Variants in FANCL observed in about 807,000 individuals in gnomAD.
FANCL encodes E3 ubiquitin-protein ligase FANCL.
In FANCL, 69 loss-of-function variants were observed where a neutral mutation model predicts 59.4. That is an observed-to-expected ratio of 1.16 (90% CI 0.96 to 1.42). The LOEUF is 1.42. Among genes scored for constraint, FANCL ranks in the 40% most tolerant of loss-of-function variants. The pLI is 0.00. For synonymous variants in FANCL, 180 were observed against 147.1 expected (o/e 1.22, Z -1.62); for missense variants, 519 against 447.2 (o/e 1.16, Z -1.45).
intron 7 of FANCL, among the ~76,000 whole-genome samples, chr2:58,194,818 C>G (rs1273735860): frequency 6.6e-6 from 1 of 150,778 alleles, no homozygotes; most frequent in African/African-American, 2.4e-5. Context: ...CTCATCAGAG[C>G]AAAAGAAAAA....
intron 4 of FANCL, among the ~76,000 whole-genome samples, chr2:58,225,721 T>C (rs1029393726): frequency 1.3e-5 from 2 of 151,984 alleles, no homozygotes; most frequent in South Asian, 4.1e-4. Flanking sequence ...AAGTAGAATA[T>C]GTTAAAAGAT....
Position 58,232,038 on chromosome 2 carries a change from C to T in FANCL, c.155+16G>A, listed in dbSNP as rs751966007. The T allele has an allele frequency of 6.2e-7, 1 of 1,610,634 alleles. No homozygotes were observed. Among genetic ancestry groups the T allele is most frequent in the Non-Finnish European group, 8.5e-7 (1 of 1,177,120 alleles). The stretch of plus-strand genomic sequence containing the variant: ...AAAATGCAAAAATGCACGTTTATAA[C>T]TAAACACCATATCACCTTGCATTCT... On this transcript the variant is annotated intron_variant, in intron 2 of 13. Transcript: ENST00000233741.
intron 7 of FANCL, among the ~76,000 whole-genome samples, chr2:58,197,436 A>G (rs1689543991): frequency 6.6e-6 from 1 of 152,166 alleles, no homozygotes; most frequent in South Asian, 2.1e-4. Context: ...CTCTTTGCCT[A>G]AGAATAAAAA....
At chr2:58,188,064 T>C (rs536340533) in intron 7 of FANCL, among the ~76,000 whole-genome samples, 255 of 152,318 alleles carry the variant, frequency 1.7e-3, no homozygotes, top group African/African-American at 5.2e-3. Flanking sequence ...TGTTTTTACA[T>C]TGTTTATAAT....
At chr2:58,186,202 A>G (rs900386856) in intron 7 of FANCL, among the ~76,000 whole-genome samples, 4 of 152,232 alleles carry the variant, frequency 2.6e-5, no homozygotes, top group African/African-American at 9.6e-5. Flanking sequence ...TTAGGAGGTC[A>G]TATATAATTG....
At chr2:58,180,085 A>G (rs1260822033) in intron 7 of FANCL, among the ~76,000 whole-genome samples, 1 of 152,206 alleles carries the variant, frequency 6.6e-6, no homozygotes, top group Admixed American at 6.5e-5. Context: ...GATGCTGAAG[A>G]GGATGTGGAG....
At chr2:58,203,119 G>A (rs969886474) in intron 6 of FANCL, among the ~76,000 whole-genome samples, 1 of 150,428 alleles carries the variant, frequency 6.6e-6, no homozygotes, top group African/African-American at 2.4e-5. Context: ...TACAAATAAT[G>A]AGATTTCCAT....
rs372267680 is a variant in FANCL at position 58,240,200 on chromosome 2, G to A, written c.96+1018C>T. ...TCATATTTTCAGCTAGGTAATTCAA[G>A]AAGAATACTTCTAATTGGAGAGGGA... On this transcript the variant is annotated intron_variant, in intron 1 of 13. Coordinates refer to ENST00000233741, the MANE Select transcript of FANCL (RefSeq NM_018062.4). 3.2e-4 allele frequency among the ~76,000 whole-genome samples: 49 copies of A among 151,548 alleles called. No individual in the cohort carries two copies. The South Asian group carries it at 9.6e-3, about 30-fold the overall frequency.
intron 13 of FANCL, 116 bp downstream of exon 13, chr2:58,159,992 C>G: frequency 6.5e-7 from 1 of 1,547,132 alleles, no homozygotes; most frequent in African/African-American, 1.4e-5. Flanking sequence ...AATAGAAATA[C>G]AGAGAATGAG....
intron 5 of FANCL, among the ~76,000 whole-genome samples, chr2:58,211,086 C>T (rs1171703747): frequency 6.6e-6 from 1 of 152,182 alleles, no homozygotes; most frequent in Non-Finnish European, 1.5e-5. Context: ...TGTGTGGGGA[C>T]TCCAATCCCA....
chr2:58,180,871 GA>G (rs879469118), intron 7 of FANCL, among the ~76,000 whole-genome samples: 9 of 150,930 alleles, frequency 6.0e-5, no homozygotes, highest in Admixed American at 2.6e-4. Flanking sequence ...AAACTTTTCA[GA>G]AAAAAAAGTG....
At chr2:58,216,539 T>C (rs1691739864) in intron 5 of FANCL, among the ~76,000 whole-genome samples, 1 of 152,156 alleles carries the variant, frequency 6.6e-6, no homozygotes. Context: ...AGTTACCTTA[T>C]TGAGCAGAGA....
At chr2:58,204,106 A>G (rs772683953) in intron 6 of FANCL, 24 bp downstream of exon 6, 70 of 1,556,942 alleles carry the variant, frequency 4.5e-5, no homozygotes, top group Middle Eastern at 1.7e-4. Context: ...TCTGATCACA[A>G]TAACAGTTTA....
chr2:58,163,428 T>C lies in FANCL; in HGVS notation c.775+6A>G, dbSNP rs1169977898. On this transcript the variant is annotated splice_donor_region_variant and intron_variant, in intron 9 of 13. Coordinates refer to ENST00000233741, the MANE Select transcript of FANCL (RefSeq NM_018062.4). Reference sequence around the variant, plus strand: ...TTAAAAAACGTTTAAATCTCAGATGTCATACCATGGTCAGCTCCAAGAAAG... The same window carrying C: ...TTAAAAAACGTTTAAATCTCAGATGCCATACCATGGTCAGCTCCAAGAAAG... 1.9e-6 allele frequency: 3 copies of C among 1,594,922 alleles called. No individual in the cohort carries two copies. The highest frequency in any genetic ancestry group is 2.6e-6 in the Non-Finnish European group (3 of 1,162,834).
At chr2:58,194,026 T>G (rs1014916512) in intron 7 of FANCL, among the ~76,000 whole-genome samples, 1 of 151,496 alleles carries the variant, frequency 6.6e-6, no homozygotes, top group Non-Finnish European at 1.5e-5. Flanking sequence ...AATTACAAAT[T>G]CTTCATTCAC....
intron 1 of FANCL, among the ~76,000 whole-genome samples, chr2:58,236,474 A>C (rs79546443): frequency 6.6e-6 from 1 of 151,040 alleles, no homozygotes; most frequent in Admixed American, 6.6e-5. Flanking sequence ...TAAAAAAAAA[A>C]CACACACACA....
At position 58,163,484 on chromosome 2, in the gene FANCL, G is replaced by C; in HGVS notation, c.725C>G (p.Pro242Arg). 1 of 1,609,272 alleles carries C rather than the reference G, an allele frequency of 6.2e-7. No individual in the cohort carries two copies. The highest frequency in any genetic ancestry group is 8.5e-7 in the Non-Finnish European group (1 of 1,176,016). ...CTCAGGAAGCATAGTAGGATGCCTG[G>C]GGTCTACCTCTATATTTATGGAAAC... ...NNVSINIEVD[P>R]RHPTMLPECF... Residue 242 changes from proline to arginine, a missense_variant, in exon 9 of 14, where the codon CCC becomes CGC. Physicochemically the swap from Pro to Arg is moderately radical, Grantham distance 103 (BLOSUM62 -2). Transcript: ENST00000233741.
intron 4 of FANCL, among the ~76,000 whole-genome samples, chr2:58,222,708 T>C (rs1692606022): frequency 6.6e-6 from 1 of 152,054 alleles, no homozygotes. Flanking sequence ...ATCACTAGAA[T>C]TGCTGAAGCT....
intron 2 of FANCL, among the ~76,000 whole-genome samples, chr2:58,231,103 T>C (rs952687706): frequency 6.6e-6 from 1 of 152,154 alleles, no homozygotes; most frequent in African/African-American, 2.4e-5. Flanking sequence ...GCTGCCCAAG[T>C]TTTCCTCTTC....
Sources: gnomAD v4.1 joint callset for allele counts (sites outside exome capture counted in the v4.1 genomes callset) on GRCh38, gnomAD v4.1.1 for gene constraint, MANE v1.5 for transcripts, NCBI Gene and HGNC (gene_info 2026-07-23, HGNC 2026-07-21) for gene names.